Variants in TMEM132D observed in about 807,000 individuals in gnomAD.
TMEM132D encodes the protein mature OL transmembrane protein.
In TMEM132D, 21 loss-of-function variants were observed where a neutral mutation model predicts 62.3. The observed-to-expected ratio is 0.34, with a 90% CI of 0.24 to 0.49. The LOEUF (loss-of-function observed/expected upper bound fraction) is 0.49. Among genes scored for constraint, TMEM132D ranks in the 20% least tolerant of loss-of-function variants. The pLI is 0.99. For synonymous variants in TMEM132D, 621 were observed against 575.6 expected, an observed-to-expected ratio of 1.08 and a Z score of -1.13; for missense variants, 1,346 against 1,402.8, an observed-to-expected ratio of 0.96 and a Z score of 0.65.
At chr12:129,303,841 G>C (rs949582159) in intron 4 of TMEM132D, among the ~76,000 whole-genome samples, 1 of 152,056 alleles carries the variant, frequency 6.6e-6, no homozygotes, top group Non-Finnish European at 1.5e-5. Flanking sequence ...TTGAGGGGGC[G>C]GGTTGAGCAT....
At chr12:129,422,293 T>A (rs7961136) in intron 3 of TMEM132D, among the ~76,000 whole-genome samples, 102,465 of 151,962 alleles carry the variant, frequency 0.67, 34,689 homozygotes, top group East Asian at 0.77. Context: ...ATATTATTGC[T>A]GTATCAATGT....
At position 129,309,986 on chromosome 12, in the gene TMEM132D, A is replaced by G. The variant is rs568394428; in HGVS notation, c.1299+27648T>C. Among the ~76,000 whole-genome samples the G allele has an allele frequency of 5.3e-5, 8 of 152,296 alleles. No individual in the cohort carries two copies. In the South Asian group the frequency reaches 1.7e-3, roughly 32 times the overall value. On this transcript the variant is annotated intron_variant, in intron 4 of 8. Coordinates refer to ENST00000422113, the MANE Select transcript of TMEM132D (RefSeq NM_133448.3). ...ATTTGTCACAAAGCATGGTCAGAAAAGGAAGCCAGACTCCTAAGCATTTCC... is the reference window on the plus strand; with the variant it reads ...ATTTGTCACAAAGCATGGTCAGAAAGGGAAGCCAGACTCCTAAGCATTTCC...
chr12:129,337,887 G>T (rs1762358857), intron 3 of TMEM132D, 70 bp from the exon 4 acceptor site: 1 of 1,482,998 alleles, frequency 6.7e-7, no homozygotes, highest in Non-Finnish European at 9.0e-7. Flanking sequence ...GCAGAGAGTG[G>T]GCGGCCCTTG....
intron 5 of TMEM132D, among the ~76,000 whole-genome samples, chr12:129,129,859 GGAT>G (rs1468815811): frequency 6.6e-6 from 1 of 152,052 alleles, no homozygotes; most frequent in African/African-American, 2.4e-5. Flanking sequence ...GTCCTCAGCA[GGAT>G]CAGGTCCCTG....
Position 129,118,668 on chromosome 12 carries a change from A to C in TMEM132D, c.1444-33966T>G, listed in dbSNP as rs1296948294. Among the ~76,000 whole-genome samples the C allele has an allele frequency of 5.3e-5, 8 of 152,348 alleles. No homozygotes were observed. The East Asian group carries it at 1.5e-3, about 29-fold the overall frequency. Reference sequence around the variant, plus strand: ...CCTGGCACTGCTGTTTTGATATCAAAAAAAGATCTTTAGTGAAATGCCCTT... The same window carrying C: ...CCTGGCACTGCTGTTTTGATATCAACAAAAGATCTTTAGTGAAATGCCCTT... On this transcript the variant is annotated intron_variant, in intron 5 of 8. Transcript: ENST00000422113.
intron 1 of TMEM132D, among the ~76,000 whole-genome samples, chr12:129,725,399 A>C (rs2398479): frequency 6.6e-6 from 1 of 152,158 alleles, no homozygotes; most frequent in Non-Finnish European, 1.5e-5. Context: ...GTTCTGTAGT[A>C]TAAATACCAT....
chr12:129,275,004 A>C (rs548698472), intron 4 of TMEM132D, among the ~76,000 whole-genome samples: 4 of 151,970 alleles, frequency 2.6e-5, no homozygotes, highest in Non-Finnish European at 4.4e-5. Context: ...CATTGGCCAG[A>C]TACAGTGGCT....
At chr12:129,290,385 G>T (rs985564314) in intron 4 of TMEM132D, among the ~76,000 whole-genome samples, 1 of 151,924 alleles carries the variant, frequency 6.6e-6, no homozygotes, top group Non-Finnish European at 1.5e-5. Flanking sequence ...TCAAGTAACA[G>T]GTTATCGAAG....
intron 4 of TMEM132D, among the ~76,000 whole-genome samples, chr12:129,310,206 G>A (rs1881939742): frequency 6.6e-6 from 1 of 152,204 alleles, no homozygotes; most frequent in Non-Finnish European, 1.5e-5. Context: ...GTGGCTGTGA[G>A]GGCAAGGAGG....
chr12:129,297,794 G>T (rs913007714), intron 4 of TMEM132D, among the ~76,000 whole-genome samples: 3 of 152,116 alleles, frequency 2.0e-5, no homozygotes, highest in Non-Finnish European at 4.4e-5. Context: ...TCCTCGTCAG[G>T]CTGCACACCT....
chr12:129,332,283 A>G (rs982627665), intron 4 of TMEM132D, among the ~76,000 whole-genome samples: 1 of 152,188 alleles, frequency 6.6e-6, no homozygotes, highest in Non-Finnish European at 1.5e-5. Context: ...AAAACCTACA[A>G]CTGGATTAAG....
intron 1 of TMEM132D, among the ~76,000 whole-genome samples, chr12:129,886,247 C>T (rs4760015): frequency 0.97 from 148,172 of 152,308 alleles, 72,192 homozygotes; most frequent in East Asian, 1. Context: ...ATTAAAGGAA[C>T]TGTCTAATTG....
At chr12:129,485,374 C>G (rs1874552533) in intron 3 of TMEM132D, among the ~76,000 whole-genome samples, 1 of 152,194 alleles carries the variant, frequency 6.6e-6, no homozygotes, top group African/African-American at 2.4e-5. Flanking sequence ...TTCCAGCCAC[C>G]AGGGAAAACT....
chr12:129,186,054 C>T (rs1878215058), intron 5 of TMEM132D, among the ~76,000 whole-genome samples: 1 of 152,234 alleles, frequency 6.6e-6, no homozygotes, highest in Non-Finnish European at 1.5e-5. Context: ...TTGACCCCTG[C>T]TGACCACAGA....
chr12:129,326,198 T>C (rs7136197), intron 4 of TMEM132D, among the ~76,000 whole-genome samples: 35,260 of 152,166 alleles, frequency 0.23, 4,488 homozygotes, highest in Non-Finnish European at 0.26. Flanking sequence ...CTGTTCTCCG[T>C]GGAAAATACA....
At chr12:129,081,544 C>T (rs1055679040) in intron 7 of TMEM132D, among the ~76,000 whole-genome samples, 5 of 152,046 alleles carry the variant, frequency 3.3e-5, no homozygotes, top group African/African-American at 4.8e-5. Context: ...ATGACCTGCC[C>T]GCCTCGGCCT....
chr12:129,481,198 A>G (rs369803854), intron 3 of TMEM132D, among the ~76,000 whole-genome samples: 1 of 152,114 alleles, frequency 6.6e-6, no homozygotes, highest in South Asian at 2.1e-4. Flanking sequence ...AAAAAAGAAA[A>G]AATCTGCTGG....
At chr12:129,364,574 T>A (rs1409222830) in intron 3 of TMEM132D, among the ~76,000 whole-genome samples, 12 of 152,344 alleles carry the variant, frequency 7.9e-5, no homozygotes, top group Admixed American at 3.3e-4. Flanking sequence ...TTATGGGGGC[T>A]AAGGTGATGT....
At chr12:129,594,185 T>A (rs900702) in intron 2 of TMEM132D, among the ~76,000 whole-genome samples, 1 of 151,764 alleles carries the variant, frequency 6.6e-6, no homozygotes, top group African/African-American at 2.4e-5. Context: ...TCCCTGGTTA[T>A]GCAGAAGTGG....
Sources: gnomAD v4.1 joint callset for allele counts (sites outside exome capture counted in the v4.1 genomes callset) on GRCh38, gnomAD v4.1.1 for gene constraint, MANE v1.5 for transcripts, NCBI Gene and HGNC (gene_info 2026-07-23, HGNC 2026-07-21) for gene names.